WWC2: variants seen among roughly 807,000 people sequenced by gnomAD.
WWC2 encodes protein WWC2.
A neutral mutation model predicts 138.5 loss-of-function variants in WWC2; 101 were observed. That is an observed-to-expected ratio of 0.73 (90% CI 0.62 to 0.86). The LOEUF (loss-of-function observed/expected upper bound fraction) is 0.86, where lower values mean the gene tolerates loss of function less well. Among genes scored for constraint, WWC2 ranks in the 40% least tolerant of loss-of-function variants. The probability of loss-of-function intolerance (pLI) is 0.00; values close to 1 mark genes in which losing one functional copy is unlikely to be tolerated. For synonymous variants in WWC2, 558 were observed against 538.4 expected (o/e 1.04, Z -0.50); for missense variants, 1,420 against 1,419.4 (o/e 1.00, Z -0.01).
chr4:183,187,032 A>G (rs991904143), intron 1 of WWC2, among the ~76,000 whole-genome samples: 11 of 151,944 alleles, frequency 7.2e-5, no homozygotes, highest in Non-Finnish European at 2.9e-5. Flanking sequence ...TTCCTAACCC[A>G]TTGCACCAGG....
intron 20 of WWC2, among the ~76,000 whole-genome samples, chr4:183,288,756 G>A (rs1738334963): frequency 6.6e-6 from 1 of 152,204 alleles, no homozygotes; most frequent in Non-Finnish European, 1.5e-5. Flanking sequence ...ATTCAGTGGT[G>A]AAAGTAAGTA....
At chr4:183,290,712 CTAA>C (rs1244613955) in intron 21 of WWC2, among the ~76,000 whole-genome samples, 1 of 152,166 alleles carries the variant, frequency 6.6e-6, no homozygotes, top group Non-Finnish European at 1.5e-5. Flanking sequence ...AGCTGAAATA[CTAA>C]TATTACAAAT....
rs374314974 is a variant in WWC2 at position 183,196,350 on chromosome 4, C to G, written c.241+2642C>G. ...CCACTGTGAGTTATTCCCTCCTGCTCTTTACTCTTTGGATTTTGTGACATA... is the reference window on the plus strand; with the variant it reads ...CCACTGTGAGTTATTCCCTCCTGCTGTTTACTCTTTGGATTTTGTGACATA... On this transcript the variant is annotated intron_variant, in intron 2 of 22. Transcript: ENST00000403733. 3.9e-5 allele frequency among the ~76,000 whole-genome samples: 6 copies of G among 152,216 alleles called. No homozygotes were observed. In the South Asian group the frequency reaches 6.2e-4, roughly 16 times the overall value.
intron 1 of WWC2, among the ~76,000 whole-genome samples, chr4:183,170,824 C>G (rs555502056): frequency 6.8e-6 from 1 of 147,512 alleles, no homozygotes; most frequent in African/African-American, 2.5e-5. Context: ...TCCTGAGTAG[C>G]TGGGACTACA....
At position 183,281,170 on chromosome 4, in the gene WWC2, T is replaced by C. The variant is rs181338461; in HGVS notation, c.2684+273T>C. The C allele has an allele frequency of 4.7e-5, 21 of 448,694 alleles. No homozygotes were observed. The Admixed American group carries it at 5.0e-4, about 11-fold the overall frequency. The allele number at this position is 448,694 out of a possible 1,614,324, so 27.8% of individuals were successfully genotyped here. A position where few individuals can be genotyped will look rare whatever the true frequency, so the allele number is the denominator to read the frequency against. On this transcript the variant is annotated intron_variant, in intron 17 of 22. Transcript: ENST00000403733. ...TTTCTGAGCCTTTTTTTTTTTAGTC[T>C]AAACTTGATTTTGAAAGGTATGGTA... is the stretch of plus-strand genomic sequence containing the variant.
chr4:183,100,640 A>G (rs528086715), intron 1 of WWC2, among the ~76,000 whole-genome samples: 12 of 152,288 alleles, frequency 7.9e-5, no homozygotes, highest in Admixed American at 2.0e-4. Context: ...TGCTTCTCCT[A>G]TTTAACATTT....
chr4:183,316,470 CAG>C lies in WWC2; in HGVS notation c.*745_*746del, dbSNP rs1189576209. The C allele has an allele frequency of 6.6e-6, 1 of 152,216 alleles. No individual in the cohort carries two copies. Among genetic ancestry groups the C allele is most frequent in the Non-Finnish European group, 1.5e-5 (1 of 68,044 alleles). 9.4% of individuals were successfully genotyped at this position (152,216 alleles called of 1,614,324 possible). A position where few individuals can be genotyped will look rare whatever the true frequency, so the allele number is the denominator to read the frequency against. On this transcript the variant is annotated 3_prime_UTR_variant, in exon 23 of 23. Coordinates refer to ENST00000403733, the MANE Select transcript of WWC2 (RefSeq NM_024949.6). ...GGGAGAAGAAAGAACACCAGCCACGCAGAGATACAAATAAGCTCATCAAATGA... is the reference window on the plus strand; with the variant it reads ...GGGAGAAGAAAGAACACCAGCCACGCAGATACAAATAAGCTCATCAAATGA...
chr4:183,283,846 A>G (rs978789851), intron 18 of WWC2, among the ~76,000 whole-genome samples: 1 of 152,232 alleles, frequency 6.6e-6, no homozygotes, highest in Non-Finnish European at 1.5e-5. Flanking sequence ...AGAAAGTTGA[A>G]TAAAGTTTAA....
At chr4:183,147,018 T>G (rs934151076) in intron 1 of WWC2, among the ~76,000 whole-genome samples, 2 of 152,210 alleles carry the variant, frequency 1.3e-5, no homozygotes, top group Non-Finnish European at 1.5e-5. Flanking sequence ...TTTCCTATAC[T>G]CATCTTCAGA....
intron 1 of WWC2, among the ~76,000 whole-genome samples, chr4:183,162,966 G>C (rs1049118549): frequency 6.6e-6 from 1 of 152,052 alleles, no homozygotes; most frequent in Non-Finnish European, 1.5e-5. Flanking sequence ...CTAGTGCCTT[G>C]GTGAGATGAG....
chr4:183,113,131 G>A (rs1242261432), intron 1 of WWC2, among the ~76,000 whole-genome samples: 1 of 151,908 alleles, frequency 6.6e-6, no homozygotes, highest in Non-Finnish European at 1.5e-5. Context: ...AAATTAGCCA[G>A]GCGTGGGGTG....
intron 2 of WWC2, among the ~76,000 whole-genome samples, chr4:183,207,665 T>C (rs1182769065): frequency 6.6e-6 from 1 of 152,144 alleles, no homozygotes; most frequent in Non-Finnish European, 1.5e-5. Context: ...TAGCTTGGCT[T>C]TTATTCTGTA....
chr4:183,209,437 AG>A (rs2111242629), intron 4 of WWC2, among the ~76,000 whole-genome samples: 1 of 152,290 alleles, frequency 6.6e-6, no homozygotes, highest in South Asian at 2.1e-4. Flanking sequence ...CATGTTGGCC[AG>A]GCTGGTCACA....
At chr4:183,104,674 A>T (rs905615621) in intron 1 of WWC2, among the ~76,000 whole-genome samples, 6 of 152,118 alleles carry the variant, frequency 3.9e-5, no homozygotes, top group African/African-American at 9.7e-5. Flanking sequence ...AAAGAGGATT[A>T]AAAAAATCAC....
chr4:183,237,491 A>G (rs192904215), intron 4 of WWC2, among the ~76,000 whole-genome samples: 63 of 152,264 alleles, frequency 4.1e-4, no homozygotes, highest in Non-Finnish European at 8.1e-4. Flanking sequence ...CTCTTAATTC[A>G]TATTACACCA....
rs146157711 is a variant in WWC2 at position 183,139,353 on chromosome 4, C to A, written c.131+39731C>A. Among the ~76,000 whole-genome samples the A allele has an allele frequency of 3.7e-3, 570 of 152,288 alleles. 3 individuals are homozygous for A. Among genetic ancestry groups the A allele is most frequent in the African/African-American group, 0.013 (536 of 41,544 alleles). On this transcript the variant is annotated intron_variant, in intron 1 of 22. Transcript: ENST00000403733. Reference sequence around the variant, plus strand: ...TCACATTGCTGGCCTAAACTTCAGACTCTATAATGGCCTACTTGACAGGTC... The same window carrying A: ...TCACATTGCTGGCCTAAACTTCAGAATCTATAATGGCCTACTTGACAGGTC...
At chr4:183,262,769 GGTGTGTGTGCGTGCGTGCGTGCGT>G (rs1169819617) in intron 11 of WWC2, among the ~76,000 whole-genome samples, 2 of 151,996 alleles carry the variant, frequency 1.3e-5, no homozygotes, top group African/African-American at 4.8e-5. Flanking sequence ...GAAGGAGTAC[GGTGTGTGTGCGTGCGTGCGTGCGT>G]GTGTGTGTGT....
chr4:183,239,989 A>T (rs73870384), intron 4 of WWC2, among the ~76,000 whole-genome samples, 194 bp from the exon 5 acceptor site: 3 of 152,222 alleles, frequency 2.0e-5, no homozygotes, highest in Non-Finnish European at 4.4e-5. Context: ...AATAATACAC[A>T]TCACTGATAG....
chr4:183,191,604 C>T (rs556884755), intron 1 of WWC2, among the ~76,000 whole-genome samples: 33 of 152,232 alleles, frequency 2.2e-4, no homozygotes, highest in African/African-American at 7.2e-4. Flanking sequence ...ACTTCTAAGC[C>T]GGTGGTTCCC....
Sources: allele counts gnomAD v4.1 joint callset (sites outside exome capture counted in the v4.1 genomes callset), GRCh38; gene constraint gnomAD v4.1.1; transcripts MANE v1.5; gene names NCBI Gene and HGNC (gene_info 2026-07-23, HGNC 2026-07-21).